RALA: variants seen among roughly 807,000 people sequenced by gnomAD.
RALA encodes the protein RAS like proto-oncogene A, also known as ras-related protein Ral-A.
Under a neutral mutation model 24.0 loss-of-function variants are expected in RALA, and 5 were observed. That is an observed-to-expected ratio of 0.21 (90% CI 0.11 to 0.44). RALA has a LOEUF of 0.44. Among genes scored for constraint, RALA ranks in the 20% least tolerant of loss-of-function variants. RALA has a pLI of 0.99. For synonymous variants in RALA, 77 were observed against 83.8 expected (o/e 0.92, Z 0.44); for missense variants, 95 against 241.2 (o/e 0.39, Z 4.01).
chr7:39,686,460 G>A (rs895035286), intron 1 of RALA, among the ~76,000 whole-genome samples, 171 bp from the exon 2 acceptor site: 5 of 152,162 alleles, frequency 3.3e-5, no homozygotes, highest in Admixed American at 6.5e-5. Flanking sequence ...GGTATTCTCT[G>A]ATAAATGGTT....
intron 3 of RALA, among the ~76,000 whole-genome samples, chr7:39,693,865 A>C (rs1459978500): frequency 6.6e-6 from 1 of 152,200 alleles, no homozygotes; most frequent in Non-Finnish European, 1.5e-5. Flanking sequence ...TGAAGAATGG[A>C]GTTTACTTTC....
At chr7:39,631,707 A>G (rs1195073773) in intron 1 of RALA, among the ~76,000 whole-genome samples, 1 of 152,212 alleles carries the variant, frequency 6.6e-6, no homozygotes, top group East Asian at 1.9e-4. Flanking sequence ...TAGTTTTCTT[A>G]TCATTTATGT....
At chr7:39,632,627 G>A (rs1791617374) in intron 1 of RALA, among the ~76,000 whole-genome samples, 1 of 152,136 alleles carries the variant, frequency 6.6e-6, no homozygotes, top group Non-Finnish European at 1.5e-5. Context: ...AGACCAGGTC[G>A]AGTAAGATGG....
chr7:39,631,688 T>A (rs1019929432), intron 1 of RALA, among the ~76,000 whole-genome samples: 33 of 152,276 alleles, frequency 2.2e-4, no homozygotes, highest in African/African-American at 8.0e-4. Context: ...ATCTTTTTTG[T>A]TGCTATTATA....
chr7:39,655,291 G>C (rs935973244), intron 1 of RALA, among the ~76,000 whole-genome samples: 18 of 152,150 alleles, frequency 1.2e-4, no homozygotes, highest in African/African-American at 3.9e-4. Context: ...AGGGATAAAT[G>C]TCAAAATTAT....
At chr7:39,683,445 C>G (rs952499450) in intron 1 of RALA, among the ~76,000 whole-genome samples, 3 of 152,182 alleles carry the variant, frequency 2.0e-5, no homozygotes, top group Non-Finnish European at 2.9e-5. Context: ...CTCCTCCCCC[C>G]ATTGCTGTCT....
At chr7:39,665,452 G>A (rs1176084025) in intron 1 of RALA, among the ~76,000 whole-genome samples, 1 of 152,062 alleles carries the variant, frequency 6.6e-6, no homozygotes, top group East Asian at 1.9e-4. Context: ...GTTAAGTTTT[G>A]GGGGAGTCAA....
intron 4 of RALA, among the ~76,000 whole-genome samples, chr7:39,698,671 A>G (rs911171450): frequency 1.2e-4 from 18 of 152,202 alleles, no homozygotes; most frequent in African/African-American, 4.3e-4. Flanking sequence ...TATAAAAACT[A>G]TTTGAACCTA....
intron 1 of RALA, among the ~76,000 whole-genome samples, chr7:39,677,906 T>C (rs1792517263): frequency 7.0e-6 from 1 of 142,736 alleles, no homozygotes; most frequent in African/African-American, 2.6e-5. Flanking sequence ...GTTGTTTGTT[T>C]TTTTCTTGTA....
chr7:39,640,316 C>A (rs138353732), intron 1 of RALA, among the ~76,000 whole-genome samples: 474 of 152,326 alleles, frequency 3.1e-3, no homozygotes, highest in African/African-American at 0.011. Flanking sequence ...GGATTACAGG[C>A]ATGAGCCACT....
chr7:39,660,597 T>G (rs915848594), intron 1 of RALA, among the ~76,000 whole-genome samples: 4 of 152,218 alleles, frequency 2.6e-5, no homozygotes, highest in South Asian at 2.1e-4. Flanking sequence ...TGATTGTATT[T>G]TTATGCTTAC....
chr7:39,630,763 GA>G (rs966522956), intron 1 of RALA, among the ~76,000 whole-genome samples: 36 of 150,808 alleles, frequency 2.4e-4, no homozygotes, highest in Non-Finnish European at 4.0e-4. Flanking sequence ...ATTTAAAAAA[GA>G]AAAAAAAATT....
intron 1 of RALA, among the ~76,000 whole-genome samples, chr7:39,654,548 A>T (rs930382479): frequency 3.3e-5 from 5 of 152,110 alleles, no homozygotes; most frequent in African/African-American, 1.2e-4. Flanking sequence ...TTTTATTTTG[A>T]TGCAGTCCAA....
intron 1 of RALA, among the ~76,000 whole-genome samples, chr7:39,659,185 A>C (rs925083996): frequency 5.9e-5 from 9 of 152,090 alleles, no homozygotes; most frequent in Non-Finnish European, 1.2e-4. Flanking sequence ...GGTCTGAGGC[A>C]GGAGGATTGC....
chr7:39,655,784 A>G (rs1792086305), intron 1 of RALA, among the ~76,000 whole-genome samples: 2 of 152,186 alleles, frequency 1.3e-5, no homozygotes, highest in African/African-American at 4.8e-5. Context: ...TTTGCTTATT[A>G]TAATTTAACC....
chr7:39,674,670 C>A (rs1029157706), intron 1 of RALA, among the ~76,000 whole-genome samples: 3 of 151,962 alleles, frequency 2.0e-5, no homozygotes, highest in South Asian at 2.1e-4. Context: ...GTGCTTGGGA[C>A]CAGAAGTGTT....
At chr7:39,629,124 T>C (rs1791548278) in intron 1 of RALA, among the ~76,000 whole-genome samples, 2 of 152,214 alleles carry the variant, frequency 1.3e-5, no homozygotes, top group South Asian at 2.1e-4. Context: ...ATCTTCAGGA[T>C]AAATGCATAT....
chr7:39,678,176 T>A (rs917138927), intron 1 of RALA, among the ~76,000 whole-genome samples: 3 of 150,446 alleles, frequency 2.0e-5, no homozygotes, highest in Non-Finnish European at 4.4e-5. Context: ...ACATGTACCC[T>A]AAAACTTAAA....
chr7:39,654,101 G>A (rs1285886784), intron 1 of RALA, among the ~76,000 whole-genome samples: 1 of 152,084 alleles, frequency 6.6e-6, no homozygotes, highest in East Asian at 1.9e-4. Context: ...GGTTCTATTT[G>A]AACAACTTTC....
Sources: allele counts gnomAD v4.1 joint callset (sites outside exome capture counted in the v4.1 genomes callset), GRCh38; gene constraint gnomAD v4.1.1; transcripts MANE v1.5; gene names NCBI Gene and HGNC (gene_info 2026-07-23, HGNC 2026-07-21).